The following ROBO2 variants were observed in gnomAD, a reference collection of about 807,000 sequenced individuals.
The protein encoded by ROBO2 is roundabout homolog 2.
ROBO2 carries 53 observed loss-of-function variants against 160.8 expected under a neutral mutation model. The ratio of observed to expected loss-of-function variants is 0.33; its 90% CI spans 0.26 to 0.41. ROBO2 has a LOEUF of 0.41. Ranked by LOEUF, ROBO2 falls within the 10% of genes least tolerant of loss-of-function variation. The probability of loss-of-function intolerance (pLI) is 1.00; values close to 1 mark genes in which losing one functional copy is unlikely to be tolerated. For synonymous variants in ROBO2, 664 were observed against 611.7 expected, an observed-to-expected ratio of 1.09 and a Z score of -1.26; for missense variants, 1,577 against 1,722.4, an observed-to-expected ratio of 0.92 and a Z score of 1.49.
intron 1 of ROBO2, among the ~76,000 whole-genome samples, chr3:75,925,405 TAAATA>T (rs1242043374): frequency 6.6e-6 from 1 of 151,976 alleles, no homozygotes; most frequent in African/African-American, 2.4e-5. Flanking sequence ...AATAAATAGA[TAAATA>T]AATAAAAGGG....
At chr3:76,890,205 T>C (rs150049834) in intron 2 of ROBO2, among the ~76,000 whole-genome samples, 3,392 of 146,512 alleles carry the variant, frequency 0.023, 47 homozygotes, top group Non-Finnish European at 0.034. Context: ...GGCGTTGAAC[T>C]AAGAAATTTA....
Position 77,099,764 on chromosome 3 carries a change from C to T in ROBO2, c.388+1424C>T, listed in dbSNP as rs1370512692. ...ACCCTTTTATGGTGAATATGACTGGCATTATTCTCCCATTTTCAAGATAAA... is the reference window on the plus strand; with the variant it reads ...ACCCTTTTATGGTGAATATGACTGGTATTATTCTCCCATTTTCAAGATAAA... On this transcript the variant is annotated intron_variant, in intron 2 of 25. Transcript: ENST00000461745. 4.6e-5 allele frequency among the ~76,000 whole-genome samples: 7 copies of T among 152,012 alleles called. No individual in the cohort carries two copies. The East Asian group carries it at 1.4e-3, about 30-fold the overall frequency.
intron 2 of ROBO2, among the ~76,000 whole-genome samples, chr3:76,973,965 A>G (rs183133330): frequency 1.4e-4 from 22 of 152,304 alleles, no homozygotes; most frequent in Admixed American, 1.4e-3. Flanking sequence ...ATGAACATAC[A>G]ATGAGTTATG....
At chr3:76,681,250 G>A (rs796270280) in intron 2 of ROBO2, among the ~76,000 whole-genome samples, 22 of 152,232 alleles carry the variant, frequency 1.4e-4, no homozygotes, top group African/African-American at 4.3e-4. Flanking sequence ...ATAAAGTATC[G>A]TCTGTTGGTT....
chr3:76,945,599 C>T (rs1057367071), intron 2 of ROBO2, among the ~76,000 whole-genome samples: 1 of 152,182 alleles, frequency 6.6e-6, no homozygotes, highest in East Asian at 1.9e-4. Context: ...CATTTGAAGT[C>T]GTTTCACCGC....
intron 2 of ROBO2, among the ~76,000 whole-genome samples, chr3:76,220,668 G>A (rs967341291): frequency 3.9e-5 from 6 of 152,066 alleles, no homozygotes; most frequent in African/African-American, 1.4e-4. Flanking sequence ...TTCTTTGAGT[G>A]GTGTTTAATC....
intron 2 of ROBO2, among the ~76,000 whole-genome samples, chr3:77,310,693 CT>C (rs201741878): frequency 2.6e-5 from 4 of 151,596 alleles, no homozygotes; most frequent in African/African-American, 4.8e-5. Context: ...AGATTCAAGC[CT>C]TTTTTTTCAG....
chr3:77,550,713 T>C, intron 7 of ROBO2, 105 bp from the exon 9 acceptor site: 5 of 1,140,432 alleles, frequency 4.4e-6, no homozygotes, highest in South Asian at 1.3e-5. Flanking sequence ...TTTTAATCTG[T>C]GTATTTTCTT....
intron 2 of ROBO2, among the ~76,000 whole-genome samples, chr3:76,581,578 C>T (rs1021574354): frequency 1.5e-4 from 23 of 152,102 alleles, no homozygotes; most frequent in African/African-American, 4.6e-4. Context: ...GCCAAAGCTG[C>T]AGTGAGCTAT....
At chr3:76,659,029 T>TA (rs1255812967) in intron 2 of ROBO2, among the ~76,000 whole-genome samples, 8 of 152,106 alleles carry the variant, frequency 5.3e-5, no homozygotes, top group Admixed American at 6.6e-5. Context: ...ATATGTTTTT[T>TA]AAAAACTTAG....
At chr3:76,622,231 GAAGGAAGAAAGAAAGA>G (rs1376040767) in intron 2 of ROBO2, among the ~76,000 whole-genome samples, 365 of 36,078 alleles carry the variant, frequency 0.01, 1 homozygote, top group African/African-American at 0.018. Flanking sequence ...AGGAAGGAAG[GAAGGAAGAAAGAAAGA>G]AAGAAAGAAA....
In ROBO2 at chr3:76,061,339, T is replaced by C. The variant is rs74962634; in HGVS notation, c.109+123737T>C. 7.0e-3 allele frequency among the ~76,000 whole-genome samples: 1,072 copies of C among 152,254 alleles called. 61 individuals carry two copies. In the East Asian group the frequency reaches 0.15, roughly 22 times the overall value. ...GGAAATGCATCACATTTCAGCTGAG[T>C]TGTTTGAGCTCTCTGTGTTTAAGTA... On this transcript the variant is annotated intron_variant, in intron 2 of 26. Transcript: ENST00000487694.
intron 2 of ROBO2, among the ~76,000 whole-genome samples, chr3:76,659,657 G>A (rs1395848192): frequency 6.6e-6 from 1 of 152,130 alleles, no homozygotes; most frequent in African/African-American, 2.4e-5. Flanking sequence ...ATGTTAAAAT[G>A]CAAGTTTAAG....
At chr3:76,493,364 T>TATATATATATATATATATA (rs1491215318) in intron 2 of ROBO2, among the ~76,000 whole-genome samples, 1 of 136,772 alleles carries the variant, frequency 7.3e-6, no homozygotes. Context: ...TATATATATA[T>TATATATATATATATATATA]AATTGTATAT....
At chr3:77,040,885 A>AC (rs1021385019) in intron 1 of ROBO2, 39 bp downstream of exon 1, 1 of 1,510,594 alleles carries the variant, frequency 6.6e-7, no homozygotes. Flanking sequence ...TGCGCCCCCC[A>AC]CCCCCCAATC....
intron 2 of ROBO2, among the ~76,000 whole-genome samples, chr3:76,250,535 A>G (rs886691584): frequency 1.7e-4 from 26 of 151,982 alleles, no homozygotes; most frequent in African/African-American, 6.3e-4. Flanking sequence ...TATCTTTATA[A>G]TAGTCTCCAT....
chr3:77,598,525 G>GTATATA (rs2094360933), intron 19 of ROBO2, among the ~76,000 whole-genome samples: 1 of 71,440 alleles, frequency 1.4e-5, no homozygotes, highest in Admixed American at 1.5e-4. Context: ...ATATATATAT[G>GTATATA]TGTATATATA....
chr3:77,185,334 G>T (rs1239622038), intron 2 of ROBO2, among the ~76,000 whole-genome samples: 2 of 151,940 alleles, frequency 1.3e-5, no homozygotes, highest in Non-Finnish European at 2.9e-5. Context: ...AGAGTCAAAG[G>T]TGATGCTGAA....
intron 2 of ROBO2, among the ~76,000 whole-genome samples, chr3:76,148,033 C>T (rs560329119): frequency 9.9e-5 from 15 of 152,134 alleles, no homozygotes; most frequent in Admixed American, 3.3e-4. Context: ...TGAGGAAGCA[C>T]GTCAGAGAGC....
Sources: allele counts gnomAD v4.1 joint callset (sites outside exome capture counted in the v4.1 genomes callset), GRCh38; gene constraint gnomAD v4.1.1; transcripts MANE v1.5; gene names NCBI Gene and HGNC (gene_info 2026-07-23, HGNC 2026-07-21).